ROBO1: variants seen among roughly 807,000 people sequenced by gnomAD.
The protein encoded by ROBO1 is roundabout guidance receptor 1, also known as roundabout homolog 1.
Under a neutral mutation model 195.9 loss-of-function variants are expected in ROBO1, and 149 were observed. The observed-to-expected ratio is 0.76, with a 90% CI of 0.67 to 0.87. The LOEUF (loss-of-function observed/expected upper bound fraction) is 0.87. ROBO1 is among the 40% of genes least tolerant of loss of function. The pLI is 0.00. For missense variants in ROBO1, 1,933 were observed against 2,068.3 expected (o/e 0.93, Z 1.27); for synonymous variants, 816 against 733.2 (o/e 1.11, Z -1.82).
chr3:79,133,983 A>T (rs1465786514), intron 2 of ROBO1, among the ~76,000 whole-genome samples: 1 of 151,888 alleles, frequency 6.6e-6, no homozygotes, highest in African/African-American at 2.4e-5. Flanking sequence ...GTGGGCAAGG[A>T]CTTCATGTCC....
At chr3:79,596,050 C>A (rs1370366532) in intron 1 of ROBO1, among the ~76,000 whole-genome samples, 1 of 151,994 alleles carries the variant, frequency 6.6e-6, no homozygotes, top group South Asian at 2.1e-4. Context: ...AGATAGACTA[C>A]AGCTTGGTCT....
chr3:79,395,817 ATAAC>A (rs1232138774), intron 2 of ROBO1, among the ~76,000 whole-genome samples: 5 of 152,074 alleles, frequency 3.3e-5, no homozygotes, highest in African/African-American at 9.7e-5. Flanking sequence ...TCTAATTTAT[ATAAC>A]TAACCCTCTC....
chr3:79,584,726 A>G lies in ROBO1; in HGVS notation c.88+5098T>C, dbSNP rs190743918. Among the ~76,000 whole-genome samples the G allele has an allele frequency of 4.5e-3, 681 of 150,416 alleles. 8 individuals are homozygous for G. The highest frequency in any genetic ancestry group is 0.027 in the Middle Eastern group (8 of 292). Reference sequence around the variant, plus strand: ...TGTGATTAGGGATGTGGGGAATGTGATTAGAGATGAGCCCTCTGCAACCTT... The same window carrying G: ...TGTGATTAGGGATGTGGGGAATGTGGTTAGAGATGAGCCCTCTGCAACCTT... On this transcript the variant is annotated intron_variant, in intron 2 of 30. Transcript: ENST00000464233.
chr3:78,678,091 A>C (rs1329744881), intron 10 of ROBO1, among the ~76,000 whole-genome samples: 1 of 152,190 alleles, frequency 6.6e-6, no homozygotes, highest in Non-Finnish European at 1.5e-5. Context: ...GCATAACGAA[A>C]TGAAGGCAGA....
In ROBO1 at chr3:79,574,598, T is replaced by C. The variant is rs140920908; in HGVS notation, c.88+15226A>G. Among the ~76,000 whole-genome samples, 495 of 152,112 alleles carry C rather than the reference T, an allele frequency of 3.3e-3. 2 individuals are homozygous for C. The highest frequency in any genetic ancestry group is 0.011 in the African/African-American group (446 of 41,550). On this transcript the variant is annotated intron_variant, in intron 2 of 30. Coordinates refer to ENST00000464233, the MANE Select transcript of ROBO1 (RefSeq NM_002941.4). ...TGTAGTCATCTTTACTTTTACTTTTTATTGTTTACTTTAATCAGACTGCAT... is the reference window on the plus strand; with the variant it reads ...TGTAGTCATCTTTACTTTTACTTTTCATTGTTTACTTTAATCAGACTGCAT...
intron 2 of ROBO1, among the ~76,000 whole-genome samples, chr3:79,481,199 T>C (rs1029826317): frequency 2.0e-5 from 3 of 152,058 alleles, no homozygotes; most frequent in African/African-American, 4.8e-5. Context: ...TGAACAGAAA[T>C]TGTAAAAGAC....
chr3:79,595,686 G>A (rs1944143889), intron 1 of ROBO1, among the ~76,000 whole-genome samples: 1 of 151,072 alleles, frequency 6.6e-6, no homozygotes, highest in South Asian at 2.1e-4. Context: ...CTACAGGTGT[G>A]CACCACCACA....
chr3:78,985,157 T>C (rs1190973471), intron 3 of ROBO1, among the ~76,000 whole-genome samples: 1 of 151,900 alleles, frequency 6.6e-6, no homozygotes, highest in Admixed American at 6.6e-5. Flanking sequence ...CTACAAAAAA[T>C]AGCATGGTGG....
chr3:79,281,259 A>G (rs1333313717), intron 2 of ROBO1, among the ~76,000 whole-genome samples: 1 of 152,106 alleles, frequency 6.6e-6, no homozygotes, highest in Non-Finnish European at 1.5e-5. Flanking sequence ...ATAAAAGTTT[A>G]TTTATTTTTG....
rs190357604 is a variant in ROBO1 at position 78,992,949 on chromosome 3, A to G, written c.173-54022T>C. On this transcript the variant is annotated intron_variant, in intron 3 of 30. Coordinates refer to ENST00000464233, the MANE Select transcript of ROBO1 (RefSeq NM_002941.4). ...CAAAAGAACACGCCAAGATTTTCGTAGGAGATGCGAATACATATATCTAGT... is the reference window on the plus strand; with the variant it reads ...CAAAAGAACACGCCAAGATTTTCGTGGGAGATGCGAATACATATATCTAGT... Among the ~76,000 whole-genome samples the G allele has an allele frequency of 3.9e-3, 597 of 152,278 alleles. 5 individuals are homozygous for G. The highest frequency in any genetic ancestry group is 0.014 in the African/African-American group (569 of 41,562).
chr3:79,664,599 C>T (rs1007789761), intron 1 of ROBO1, among the ~76,000 whole-genome samples: 1 of 152,030 alleles, frequency 6.6e-6, no homozygotes, highest in Non-Finnish European at 1.5e-5. Flanking sequence ...CTTCTCCACC[C>T]TTGGCAGCTA....
At chr3:78,675,385 C>T (rs1708350958) in intron 10 of ROBO1, among the ~76,000 whole-genome samples, 1 of 152,154 alleles carries the variant, frequency 6.6e-6, no homozygotes. Flanking sequence ...TCGGGAAGCG[C>T]AAGGGGTCAG....
intron 4 of ROBO1, among the ~76,000 whole-genome samples, chr3:78,761,344 T>C (rs1271834302): frequency 6.6e-6 from 1 of 152,126 alleles, no homozygotes; most frequent in African/African-American, 2.4e-5. Flanking sequence ...CAGGCCCCAC[T>C]TGGAACAGCA....
At chr3:79,217,235 G>A (rs565669145) in intron 2 of ROBO1, among the ~76,000 whole-genome samples, 3 of 151,936 alleles carry the variant, frequency 2.0e-5, no homozygotes, top group African/African-American at 7.2e-5. Context: ...AACAGCTGCA[G>A]GATTGCCTAA....
intron 2 of ROBO1, among the ~76,000 whole-genome samples, chr3:79,144,590 A>G (rs1358098788): frequency 6.6e-6 from 1 of 152,020 alleles, no homozygotes; most frequent in African/African-American, 2.4e-5. Context: ...ATCTGAGATG[A>G]AGAGGAATGA....
At chr3:79,335,859 TG>T (rs1262216093) in intron 2 of ROBO1, among the ~76,000 whole-genome samples, 1 of 152,202 alleles carries the variant, frequency 6.6e-6, no homozygotes, top group Non-Finnish European at 1.5e-5. Flanking sequence ...ACTTGTTGAA[TG>T]GTTTTGACCA....
intron 2 of ROBO1, among the ~76,000 whole-genome samples, chr3:79,234,084 A>T (rs2082365681): frequency 2.6e-5 from 4 of 152,120 alleles, no homozygotes; most frequent in Non-Finnish European, 5.9e-5. Context: ...TCTGGATATT[A>T]GACCTTTGTC....
At chr3:78,629,465 GA>G (rs1402800912) in intron 25 of ROBO1, among the ~76,000 whole-genome samples, 2 of 152,132 alleles carry the variant, frequency 1.3e-5, no homozygotes, top group African/African-American at 2.4e-5. Context: ...GCTGAGGCGG[GA>G]CGATCGCTTG....
intron 3 of ROBO1, among the ~76,000 whole-genome samples, chr3:78,950,118 C>A (rs1013444921): frequency 2.0e-5 from 3 of 152,080 alleles, no homozygotes; most frequent in African/African-American, 7.2e-5. Flanking sequence ...CCTCAGGGAT[C>A]TAGAACTAGA....
Sources: gnomAD v4.1 joint callset for allele counts (sites outside exome capture counted in the v4.1 genomes callset) on GRCh38, gnomAD v4.1.1 for gene constraint, MANE v1.5 for transcripts, NCBI Gene and HGNC (gene_info 2026-07-23, HGNC 2026-07-21) for gene names.